The following APP variants were observed in gnomAD, a reference collection of about 807,000 sequenced individuals.
APP encodes the protein amyloid beta precursor protein, also known as amyloid-beta precursor protein.
APP carries 31 observed loss-of-function variants against 101.4 expected under a neutral mutation model. That is an observed-to-expected ratio of 0.31 (90% confidence interval 0.23 to 0.41). APP has a LOEUF of 0.41. Ranked by LOEUF, APP falls within the 10% of genes least tolerant of loss-of-function variation. APP has a pLI of 1.00. For missense variants in APP, 839 were observed against 1,003.7 expected, an observed-to-expected ratio of 0.84 and a Z score of 2.22; for synonymous variants, 366 against 364.4, an observed-to-expected ratio of 1.00 and a Z score of -0.05.
At chr21:25,946,715 T>A (rs2040839016) in intron 13 of APP, among the ~76,000 whole-genome samples, 1 of 151,698 alleles carries the variant, frequency 6.6e-6, no homozygotes, top group African/African-American at 2.4e-5. Flanking sequence ...GAAAGTAAGG[T>A]AAACAACCCA....
intron 17 of APP, among the ~76,000 whole-genome samples, chr21:25,886,142 G>GTGACACA (rs2037309105): frequency 6.6e-6 from 1 of 151,982 alleles, no homozygotes; most frequent in African/African-American, 2.4e-5. Context: ...CAACAATAGT[G>GTGACACA]TGACACATCA....
intron 13 of APP, among the ~76,000 whole-genome samples, chr21:25,946,666 CAAAAAT>C (rs71183535): frequency 0.052 from 7,695 of 149,382 alleles, 644 homozygotes; most frequent in African/African-American, 0.18. Flanking sequence ...ACTCTGTCTC[CAAAAAT>C]AAAAATAAAA....
intron 1 of APP, among the ~76,000 whole-genome samples, chr21:26,164,152 G>A (rs1479933613): frequency 6.6e-6 from 1 of 152,232 alleles, no homozygotes; most frequent in Non-Finnish European, 1.5e-5. Context: ...GGCTGAGGCA[G>A]GAGAATCGCT....
intron 9 of APP, among the ~76,000 whole-genome samples, chr21:25,980,692 CAA>C (rs1384115047): frequency 6.8e-6 from 1 of 146,430 alleles, no homozygotes; most frequent in Non-Finnish European, 1.5e-5. Flanking sequence ...AACAAACAAA[CAA>C]AAAACAGTAC....
At chr21:26,005,639 A>G (rs1335434836) in intron 6 of APP, among the ~76,000 whole-genome samples, 1 of 152,218 alleles carries the variant, frequency 6.6e-6, no homozygotes, top group East Asian at 1.9e-4. Flanking sequence ...CCTGAAACAC[A>G]TCTTCAATAA....
chr21:25,903,729 T>C (rs558720918), intron 15 of APP, among the ~76,000 whole-genome samples: 4 of 152,256 alleles, frequency 2.6e-5, no homozygotes, highest in East Asian at 1.9e-4. Context: ...TTACATGACA[T>C]TGACAATAAG....
Position 25,948,260 on chromosome 21 carries a change from G to A in APP, c.1687+6330C>T, listed in dbSNP as rs114444128. On this transcript the variant is annotated intron_variant, in intron 13 of 17. Coordinates refer to ENST00000346798, the MANE Select transcript of APP (RefSeq NM_000484.4). Reference sequence around the variant, plus strand: ...TTTCTATTTTGTTGGGCTGGGAAGTGCTATAAATATTCTATTTTAAACCTA... The same window carrying A: ...TTTCTATTTTGTTGGGCTGGGAAGTACTATAAATATTCTATTTTAAACCTA... Among the ~76,000 whole-genome samples the A allele has an allele frequency of 6.2e-3, 936 of 151,718 alleles. 8 individuals carry two copies. The highest frequency in any genetic ancestry group is 0.022 in the African/African-American group (911 of 41,324).
intron 15 of APP, among the ~76,000 whole-genome samples, chr21:25,899,891 TATAGAC>T (rs1472493350): frequency 6.6e-6 from 1 of 152,194 alleles, no homozygotes. Flanking sequence ...TTCTCTTTAA[TATAGAC>T]ATAAAAGGCA....
At chr21:25,911,082 A>G (rs1408948648) in intron 14 of APP, among the ~76,000 whole-genome samples, 1 of 152,226 alleles carries the variant, frequency 6.6e-6, no homozygotes, top group South Asian at 2.1e-4. Flanking sequence ...CTCACAGTTA[A>G]AAAACATTTC....
intron 14 of APP, among the ~76,000 whole-genome samples, 179 bp downstream of exon 14, chr21:25,911,562 A>G (rs1275085551): frequency 6.6e-6 from 1 of 152,258 alleles, no homozygotes; most frequent in East Asian, 1.9e-4. Flanking sequence ...TATTTTAATG[A>G]CATAGTAACT....
intron 17 of APP, among the ~76,000 whole-genome samples, chr21:25,888,005 G>A (rs193262155): frequency 6.6e-6 from 1 of 151,730 alleles, no homozygotes; most frequent in African/African-American, 2.4e-5. Context: ...GATCTTCTGC[G>A]GGCATTTTTC....
chr21:26,026,466 CCTT>C (rs2044579725), intron 5 of APP, among the ~76,000 whole-genome samples: 1 of 152,220 alleles, frequency 6.6e-6, no homozygotes. Flanking sequence ...AGGTGACTCT[CCTT>C]CTGTTTCTAA....
intron 14 of APP, among the ~76,000 whole-genome samples, chr21:25,906,836 G>T (rs1023950563): frequency 6.6e-6 from 1 of 151,784 alleles, no homozygotes; most frequent in Non-Finnish European, 1.5e-5. Context: ...GAGGGCAAAC[G>T]CGTACCTTGA....
At chr21:26,020,067 TA>T (rs887434420) in intron 6 of APP, among the ~76,000 whole-genome samples, 3 of 147,974 alleles carry the variant, frequency 2.0e-5, no homozygotes, top group Non-Finnish European at 4.4e-5. Context: ...AAACTTTCAA[TA>T]AATTTTAAGC....
chr21:26,075,340 C>T (rs1424484717), intron 3 of APP, among the ~76,000 whole-genome samples: 1 of 152,214 alleles, frequency 6.6e-6, no homozygotes, highest in African/African-American at 2.4e-5. Flanking sequence ...TAACCATCAG[C>T]ATCATGCACT....
chr21:25,885,430 G>C (rs1246313338), intron 17 of APP, among the ~76,000 whole-genome samples: 1 of 152,218 alleles, frequency 6.6e-6, no homozygotes, highest in East Asian at 1.9e-4. Flanking sequence ...CATGGTGCTT[G>C]TTCTGGAAGG....
chr21:26,090,066 G>T lies in APP; in HGVS notation c.232C>A (p.Pro78Thr), dbSNP rs770493889. The T allele has an allele frequency of 1.2e-6, 2 of 1,614,090 alleles. No homozygotes were observed. The highest frequency in any genetic ancestry group is 3.3e-5 in the Admixed American group (2 of 60,022). Residue 78 changes from proline (P) to threonine (T), a missense_variant, in exon 3 of 18, where the codon CCT (proline) becomes ACT (threonine). Physicochemically the swap from Pro to Thr is conservative, Grantham distance 38. Coordinates refer to ENST00000346798, the MANE Select transcript of APP (RefSeq NM_000484.4). ...ACCACATTGGTGATCTGCAGTTCAGGGTAGACCTGGGAGAGCACACAAAAA... is the reference window on the plus strand; with the variant it reads ...ACCACATTGGTGATCTGCAGTTCAGTGTAGACCTGGGAGAGCACACAAAAA... Reference protein sequence around the residue: ...GILQYCQEVYPELQITNVVEA... With the variant: ...GILQYCQEVYTELQITNVVEA...
chr21:26,063,512 G>T (rs1601365508), intron 3 of APP, among the ~76,000 whole-genome samples: 1 of 151,596 alleles, frequency 6.6e-6, no homozygotes. Context: ...AGATGAGACT[G>T]CAGCATCTTG....
intron 3 of APP, among the ~76,000 whole-genome samples, chr21:26,068,502 G>A (rs986766667): frequency 1.3e-5 from 2 of 152,048 alleles, no homozygotes; most frequent in South Asian, 2.1e-4. Flanking sequence ...CGGGACTACC[G>A]GCACATGCCA....
Sources: gnomAD v4.1 joint callset for allele counts (sites outside exome capture counted in the v4.1 genomes callset) on GRCh38, gnomAD v4.1.1 for gene constraint, MANE v1.5 for transcripts, NCBI Gene and HGNC (gene_info 2026-07-23, HGNC 2026-07-21) for gene names.